Variants in STIM2 observed in about 807,000 individuals in gnomAD.
The protein encoded by STIM2 is stromal interaction molecule 2.
STIM2 carries 31 observed loss-of-function variants against 85.8 expected under a neutral mutation model. The observed-to-expected ratio is 0.36, with a 90% CI of 0.27 to 0.49. The LOEUF (loss-of-function observed/expected upper bound fraction) is 0.49. Ranked by LOEUF, STIM2 falls within the 20% of genes least tolerant of loss-of-function variation. The probability of loss-of-function intolerance (pLI) is 0.98; values close to 1 mark genes in which losing one functional copy is unlikely to be tolerated. For synonymous variants in STIM2, 356 were observed against 331.1 expected (o/e 1.08, Z -0.82); for missense variants, 841 against 927.6 (o/e 0.91, Z 1.21).
intron 1 of STIM2, chr4:26,873,571 G>T: frequency 2.3e-6 from 1 of 438,484 alleles, no homozygotes; most frequent in Non-Finnish European, 4.3e-6. Flanking sequence ...TCATGGGGAA[G>T]CACAGACATA....
chr4:27,014,054 T>C (rs1423509509), intron 10 of STIM2, among the ~76,000 whole-genome samples: 3 of 151,988 alleles, frequency 2.0e-5, no homozygotes, highest in Non-Finnish European at 4.4e-5. Context: ...GTAAAAAATC[T>C]CAGTTACATC....
At chr4:27,008,626 AT>A in intron 9 of STIM2, 98 bp downstream of exon 9, 1 of 1,123,492 alleles carries the variant, frequency 8.9e-7, no homozygotes, top group Non-Finnish European at 1.3e-6. Context: ...TAATTACATA[AT>A]TTACATTAGT....
intron 1 of STIM2, among the ~76,000 whole-genome samples, chr4:26,868,735 T>C (rs935945902): frequency 1.3e-5 from 2 of 152,148 alleles, no homozygotes; most frequent in Non-Finnish European, 2.9e-5. Context: ...TTAATCCCCC[T>C]TCTTTATTCC....
intron 2 of STIM2, among the ~76,000 whole-genome samples, chr4:26,922,952 A>T (rs867847440): frequency 5.3e-5 from 8 of 152,002 alleles, no homozygotes; most frequent in African/African-American, 1.5e-4. Context: ...ATTAACAGTA[A>T]CCTCTGCAGA....
At chr4:26,941,258 G>C (rs1725600397) in intron 2 of STIM2, among the ~76,000 whole-genome samples, 1 of 152,058 alleles carries the variant, frequency 6.6e-6, no homozygotes, top group Non-Finnish European at 1.5e-5. Context: ...TAAAGATTTA[G>C]TTCAAGTGGA....
chr4:26,964,242 C>T (rs564351999), intron 3 of STIM2, among the ~76,000 whole-genome samples: 19 of 152,204 alleles, frequency 1.2e-4, no homozygotes, highest in Non-Finnish European at 2.2e-4. Flanking sequence ...CATAGTGATT[C>T]GCTGGAGCAC....
chr4:27,016,936 A>G (rs1728750760), intron 10 of STIM2, among the ~76,000 whole-genome samples: 1 of 152,244 alleles, frequency 6.6e-6, no homozygotes, highest in African/African-American at 2.4e-5. Context: ...GTGTGCAGAC[A>G]GTACTGGGGA....
rs144108709 is a variant in STIM2, at chr4:27,024,427, C to G, written c.*1431C>G. 44 of 152,294 alleles carry G rather than the reference C, an allele frequency of 2.9e-4. No homozygotes were observed. The East Asian group carries it at 8.1e-3, about 28-fold the overall frequency. 9.4% of individuals were successfully genotyped at this position (152,294 alleles called of 1,614,324 possible). A position where few individuals can be genotyped will look rare whatever the true frequency, so the allele number is the denominator to read the frequency against. On this transcript the variant is annotated 3_prime_UTR_variant, in exon 12 of 12. Coordinates refer to ENST00000467087, the MANE Select transcript of STIM2 (RefSeq NM_020860.4). ...ATACATTTTAGTTAGAATGCTTTTT[C>G]AGCATTATGGCTAAAATATATGTCT... is the stretch of plus-strand genomic sequence containing the variant.
At chr4:26,885,863 A>ATATATATGTG (rs1723221779) in intron 1 of STIM2, among the ~76,000 whole-genome samples, 2 of 123,324 alleles carry the variant, frequency 1.6e-5, no homozygotes, top group Non-Finnish European at 3.4e-5. Context: ...ATATATATAT[A>ATATATATGTG]TATATATATA....
chr4:27,014,256 C>T (rs1053292758), intron 10 of STIM2, among the ~76,000 whole-genome samples: 12 of 151,772 alleles, frequency 7.9e-5, no homozygotes, highest in Non-Finnish European at 1.5e-4. Context: ...AATATTTATA[C>T]ACCTCCCACA....
At chr4:26,948,462 A>T (rs967785119) in intron 2 of STIM2, among the ~76,000 whole-genome samples, 2 of 152,214 alleles carry the variant, frequency 1.3e-5, no homozygotes, top group Non-Finnish European at 1.5e-5. Context: ...GTAGTGTTCA[A>T]AATGATGGCC....
At chr4:26,917,125 C>T (rs1486380217) in intron 1 of STIM2, among the ~76,000 whole-genome samples, 1 of 151,960 alleles carries the variant, frequency 6.6e-6, no homozygotes, top group African/African-American at 2.4e-5. Flanking sequence ...GTTGTGTGGA[C>T]AAAAATGACA....
chr4:26,945,404 A>C (rs1044974502), intron 2 of STIM2, among the ~76,000 whole-genome samples: 10 of 152,192 alleles, frequency 6.6e-5, no homozygotes, highest in African/African-American at 2.2e-4. Flanking sequence ...TGCAGTGAAC[A>C]TACATATGCA....
intron 7 of STIM2, among the ~76,000 whole-genome samples, chr4:27,006,899 A>C (rs1728381191): frequency 6.6e-6 from 1 of 152,230 alleles, no homozygotes; most frequent in African/African-American, 2.4e-5. Flanking sequence ...TGAATTATGT[A>C]GCGGAAGTGG....
At chr4:26,999,952 C>T (rs1728089870) in intron 5 of STIM2, among the ~76,000 whole-genome samples, 2 of 151,798 alleles carry the variant, frequency 1.3e-5, no homozygotes, top group East Asian at 3.9e-4. Flanking sequence ...ATATTTTTTC[C>T]CCAGAAGAGA....
intron 1 of STIM2, among the ~76,000 whole-genome samples, chr4:26,880,331 G>A (rs1487107596): frequency 6.6e-6 from 1 of 151,916 alleles, no homozygotes; most frequent in African/African-American, 2.4e-5. Flanking sequence ...TTTTTTTGGT[G>A]ACTTCCTATA....
At position 26,885,326 on chromosome 4, in the gene STIM2, A is replaced by AC. The variant is rs1451586451; in HGVS notation, c.151+23958dup. On this transcript the variant is annotated intron_variant, in intron 1 of 11. Transcript: ENST00000467087. ...ATGTTATTAGCACCCAGATCGAGAAACATAATGTTGCCTTTACCCAGAAGT... is the reference window on the plus strand; with the variant it reads ...ATGTTATTAGCACCCAGATCGAGAAACCATAATGTTGCCTTTACCCAGAAGT... Among the ~76,000 whole-genome samples, 12 of 152,202 alleles carry AC rather than the reference A, an allele frequency of 7.9e-5. No individual in the cohort carries two copies. The South Asian group carries it at 8.3e-4, about 11-fold the overall frequency.
intron 1 of STIM2, among the ~76,000 whole-genome samples, chr4:26,918,097 C>T (rs1326525969): frequency 6.6e-6 from 1 of 151,922 alleles, no homozygotes; most frequent in Non-Finnish European, 1.5e-5. Context: ...AGTTTCCTTT[C>T]TTTTCTGATT....
chr4:27,000,653 A>T (rs931801920), intron 5 of STIM2, among the ~76,000 whole-genome samples: 1 of 152,246 alleles, frequency 6.6e-6, no homozygotes, highest in South Asian at 2.1e-4. Flanking sequence ...TAGTCTCAAA[A>T]AAGATTGTAA....
Sources: allele counts gnomAD v4.1 joint callset (sites outside exome capture counted in the v4.1 genomes callset), GRCh38; gene constraint gnomAD v4.1.1; transcripts MANE v1.5; gene names NCBI Gene and HGNC (gene_info 2026-07-23, HGNC 2026-07-21).